The following NRG3 variants were observed in gnomAD, a reference collection of about 807,000 sequenced individuals.
NRG3 encodes pro-neuregulin-3, membrane-bound isoform.
A neutral mutation model predicts 66.9 loss-of-function variants in NRG3; 31 were observed. That is an observed-to-expected ratio of 0.46 (90% CI 0.35 to 0.63). The LOEUF (loss-of-function observed/expected upper bound fraction) is 0.63, where lower values mean the gene tolerates loss of function less well. Ranked by LOEUF, NRG3 falls within the 20% of genes least tolerant of loss-of-function variation. The pLI, the probability that NRG3 is intolerant of heterozygous loss-of-function variation, is 0.00. For missense variants in NRG3, 910 were observed against 878.9 expected (o/e 1.04, Z -0.45); for synonymous variants, 393 against 359.4 (o/e 1.09, Z -1.06).
intron 2 of NRG3, among the ~76,000 whole-genome samples, chr10:82,443,688 A>G (rs575279034): frequency 4.7e-4 from 72 of 152,324 alleles, no homozygotes; most frequent in African/African-American, 1.6e-3. Context: ...GTGTCAATCA[A>G]AGTATATGCA....
At chr10:82,327,669 T>C (rs1564799876) in intron 1 of NRG3, among the ~76,000 whole-genome samples, 1 of 152,142 alleles carries the variant, frequency 6.6e-6, no homozygotes, top group African/African-American at 2.4e-5. Flanking sequence ...ATGCCTGAAA[T>C]TTACTAGATA....
chr10:82,522,899 A>G (rs1226511473), intron 2 of NRG3, among the ~76,000 whole-genome samples: 1 of 152,202 alleles, frequency 6.6e-6, no homozygotes. Flanking sequence ...AGACCCCTGT[A>G]GGCCTTTGCT....
At chr10:82,721,963 A>G (rs995001813) in intron 2 of NRG3, among the ~76,000 whole-genome samples, 5 of 151,074 alleles carry the variant, frequency 3.3e-5, no homozygotes, top group African/African-American at 1.2e-4. Context: ...AAAAAAAAAA[A>G]TGGGAGGGGA....
At chr10:82,214,570 T>C (rs1189744168) in intron 1 of NRG3, among the ~76,000 whole-genome samples, 1 of 152,122 alleles carries the variant, frequency 6.6e-6, no homozygotes, top group Non-Finnish European at 1.5e-5. Flanking sequence ...GCCCAAGTGA[T>C]CCTCACTGTA....
chr10:82,311,227 T>C (rs111479468), intron 1 of NRG3, among the ~76,000 whole-genome samples: 2,765 of 152,296 alleles, frequency 0.018, 66 homozygotes, highest in African/African-American at 0.052. Context: ...TCATCTAGCA[T>C]CATTCAGGAG....
Position 82,407,160 on chromosome 10 carries a change from G to A in NRG3, c.953+48292G>A, listed in dbSNP as rs375557558. ...AAGATCACAATAAGAAATAACATGG[G>A]GAGAGCAGACCTAATAGAGATTAGG... On this transcript the variant is annotated intron_variant, in intron 2 of 8. Transcript: ENST00000372141. Among the ~76,000 whole-genome samples the A allele has an allele frequency of 2.7e-5, 4 of 150,650 alleles. No homozygotes were observed. The South Asian group carries it at 6.3e-4, about 24-fold the overall frequency.
At chr10:82,383,564 A>G (rs2135880603) in intron 2 of NRG3, among the ~76,000 whole-genome samples, 1 of 152,072 alleles carries the variant, frequency 6.6e-6, no homozygotes, top group East Asian at 1.9e-4. Flanking sequence ...GAGTGTGTAT[A>G]ATTGCTTAGT....
chr10:81,904,992 C>G (rs566178735), intron 1 of NRG3, among the ~76,000 whole-genome samples: 15 of 152,220 alleles, frequency 9.9e-5, no homozygotes, highest in African/African-American at 3.6e-4. Flanking sequence ...ATTCTTAATC[C>G]CAGTACTAAA....
At chr10:82,701,512 A>G (rs1168214799) in intron 2 of NRG3, among the ~76,000 whole-genome samples, 1 of 152,144 alleles carries the variant, frequency 6.6e-6, no homozygotes, top group Non-Finnish European at 1.5e-5. Context: ...TCAGGAATGT[A>G]CGGATAGAGC....
At chr10:82,494,585 A>G (rs942087289) in intron 2 of NRG3, among the ~76,000 whole-genome samples, 9 of 152,188 alleles carry the variant, frequency 5.9e-5, no homozygotes, top group Admixed American at 5.2e-4. Context: ...TAATAAATGT[A>G]TCATCTAATA....
Position 82,222,815 on chromosome 10 carries a change from A to G in NRG3, c.824-135924A>G, listed in dbSNP as rs192690931. 5.5e-3 allele frequency among the ~76,000 whole-genome samples: 835 copies of G among 152,234 alleles called. 2 individuals are homozygous for G. Among genetic ancestry groups the G allele is most frequent in the Middle Eastern group, 0.027 (8 of 294 alleles). ...ATCAATCTGGCTCTTCAGTGCCCCA[A>G]TGTGGATTTCTAGTATGATTTTCCG... On this transcript the variant is annotated intron_variant, in intron 1 of 8. Transcript: ENST00000372141.
intron 1 of NRG3, among the ~76,000 whole-genome samples, chr10:82,193,277 G>A (rs2074263285): frequency 6.6e-6 from 1 of 152,034 alleles, no homozygotes; most frequent in Admixed American, 6.5e-5. Flanking sequence ...TGAAGAGTTG[G>A]GATTACAGGT....
At chr10:82,766,514 G>C (rs1289353116) in intron 3 of NRG3, among the ~76,000 whole-genome samples, 1 of 152,118 alleles carries the variant, frequency 6.6e-6, no homozygotes, top group Non-Finnish European at 1.5e-5. Flanking sequence ...TTTATAATTT[G>C]CTTGAGGTTG....
At chr10:82,101,897 T>G (rs1338964078) in intron 1 of NRG3, among the ~76,000 whole-genome samples, 1 of 149,694 alleles carries the variant, frequency 6.7e-6, no homozygotes, top group African/African-American at 2.4e-5. Flanking sequence ...TATGGATTAA[T>G]GAGAGAGAAG....
intron 2 of NRG3, among the ~76,000 whole-genome samples, chr10:82,445,828 G>A (rs2090692371): frequency 6.6e-6 from 1 of 152,128 alleles, no homozygotes; most frequent in South Asian, 2.1e-4. Context: ...TTTATTAAAA[G>A]TCTCATTTCA....
intron 1 of NRG3, among the ~76,000 whole-genome samples, chr10:82,266,373 C>T (rs1378781531): frequency 4.6e-5 from 7 of 152,010 alleles, no homozygotes; most frequent in Non-Finnish European, 5.9e-5. Flanking sequence ...ATGTGGAGCT[C>T]GTAAGTAATA....
At chr10:81,892,306 A>AAT (rs1031746649) in intron 1 of NRG3, among the ~76,000 whole-genome samples, 14 of 151,882 alleles carry the variant, frequency 9.2e-5, no homozygotes, top group African/African-American at 2.2e-4. Context: ...ATATTCCAAA[A>AAT]ATATATATAT....
At chr10:82,215,079 T>C (rs568582515) in intron 1 of NRG3, among the ~76,000 whole-genome samples, 1 of 152,358 alleles carries the variant, frequency 6.6e-6, no homozygotes, top group African/African-American at 2.4e-5. Context: ...ACATTCATCA[T>C]TACAATGAGT....
chr10:82,865,559 GA>G (rs978415886), intron 4 of NRG3, 122 bp downstream of exon 4: 58 of 946,442 alleles, frequency 6.1e-5, no homozygotes, highest in Admixed American at 2.0e-4. Flanking sequence ...CTATTAGTAG[GA>G]AAAAATACTC....
Sources: allele counts gnomAD v4.1 joint callset (sites outside exome capture counted in the v4.1 genomes callset), GRCh38; gene constraint gnomAD v4.1.1; transcripts MANE v1.5; gene names NCBI Gene and HGNC (gene_info 2026-07-23, HGNC 2026-07-21).